The following LEMD3 variants were observed in gnomAD, a reference collection of about 807,000 sequenced individuals.
LEMD3 encodes inner nuclear membrane protein Man1.
LEMD3 carries 33 observed loss-of-function variants against 95.2 expected under a neutral mutation model. The observed-to-expected ratio is 0.35, with a 90% CI of 0.26 to 0.46. LEMD3 has a LOEUF of 0.46. Ranked by LOEUF, LEMD3 falls within the 20% of genes least tolerant of loss-of-function variation. LEMD3 has a pLI of 1.00. For missense variants in LEMD3, 1,210 were observed against 1,192.8 expected, an observed-to-expected ratio of 1.01 and a Z score of -0.21; for synonymous variants, 525 against 474.6, an observed-to-expected ratio of 1.11 and a Z score of -1.38.
intron 4 of LEMD3, among the ~76,000 whole-genome samples, chr12:65,223,358 C>T (rs1016359343): frequency 7.1e-6 from 1 of 140,928 alleles, no homozygotes; most frequent in South Asian, 2.2e-4. Flanking sequence ...CGCTTGAGTG[C>T]AGTGGTGAGA....
chr12:65,214,480 C>G (rs1186159071), intron 2 of LEMD3, among the ~76,000 whole-genome samples: 1 of 152,082 alleles, frequency 6.6e-6, no homozygotes, highest in Non-Finnish European at 1.5e-5. Flanking sequence ...TGACATAAAA[C>G]CAGGTATTCT....
chr12:65,217,005 A>G (rs911572069), intron 3 of LEMD3, among the ~76,000 whole-genome samples: 5 of 152,244 alleles, frequency 3.3e-5, no homozygotes, highest in African/African-American at 4.8e-5. Context: ...AGTATATGCT[A>G]GTTATGCTAG....
At position 65,170,140 on chromosome 12, in the gene LEMD3, G is replaced by A; in HGVS notation, c.544G>A (p.Val182Met). 1.4e-6 allele frequency: 2 copies of A among 1,471,138 alleles called. No homozygotes were observed. Among genetic ancestry groups the A allele is most frequent in the South Asian group, 2.8e-5 (2 of 70,188 alleles). 91.1% of individuals were successfully genotyped at this position (1,471,138 alleles called of 1,614,324 possible). A position where few individuals can be genotyped will look rare whatever the true frequency, so the allele number is the denominator to read the frequency against. The change falls in exon 1 of 13, where the codon GTG becomes ATG. Residue 182 changes from valine to methionine, a missense_variant. This residue lies in a region of LEMD3 where 749 missense variants were observed against 622.9 expected (regional missense o/e 1.20). Coordinates refer to ENST00000308330, the MANE Select transcript of LEMD3 (RefSeq NM_014319.5). ...APPAPLAASE[V>M]TNSNSAERRK... Reference sequence around the variant, plus strand: ...GCCGGCGCCCCTGGCCGCCAGCGAGGTGACTAACAGCAACTCTGCAGAGCG... The same window carrying A: ...GCCGGCGCCCCTGGCCGCCAGCGAGATGACTAACAGCAACTCTGCAGAGCG...
At chr12:65,225,018 T>C (rs1308461250) in intron 4 of LEMD3, among the ~76,000 whole-genome samples, 2 of 152,202 alleles carry the variant, frequency 1.3e-5, no homozygotes, top group Non-Finnish European at 2.9e-5. Context: ...TGATCCAGTC[T>C]GCTTTTGAAC....
At chr12:65,183,128 A>G (rs1242321534) in intron 1 of LEMD3, among the ~76,000 whole-genome samples, 1 of 152,218 alleles carries the variant, frequency 6.6e-6, no homozygotes, top group Non-Finnish European at 1.5e-5. Flanking sequence ...TAGAAATATA[A>G]GCCACACAGT....
At chr12:65,187,480 A>G (rs975277530) in intron 1 of LEMD3, among the ~76,000 whole-genome samples, 7 of 152,068 alleles carry the variant, frequency 4.6e-5, no homozygotes, top group African/African-American at 1.7e-4. Context: ...ACCAGATTTG[A>G]GTGCAGATAA....
intron 1 of LEMD3, among the ~76,000 whole-genome samples, chr12:65,193,689 A>C (rs949588439): frequency 6.0e-5 from 9 of 150,756 alleles, no homozygotes; most frequent in Non-Finnish European, 1.2e-4. Context: ...GAGACAGTTA[A>C]CAACTGCCTG....
Position 65,170,739 on chromosome 12 carries a change from G to A in LEMD3, c.1143G>A (p.Ser381=), listed in dbSNP as rs1868516637. Residue 381 remains serine (S), a synonymous_variant, in exon 1 of 13, where the codon TCG becomes TCA. Transcript: ENST00000308330. The stretch of plus-strand genomic sequence containing the variant: ...CTGACATGGACTCAACCTTGGATTC[G>A]TCAACAGGCTCCCTTCTGAAAACCA... ...PLTDMDSTLD[S]STGSLLKTNN... 8 of 1,614,094 alleles carry A rather than the reference G, an allele frequency of 5.0e-6. No individual in the cohort carries two copies. Among genetic ancestry groups the A allele is most frequent in the Admixed American group, 1.7e-5 (1 of 60,004 alleles).
At chr12:65,189,156 GTCTC>G (rs1869160366) in intron 1 of LEMD3, among the ~76,000 whole-genome samples, 1 of 152,104 alleles carries the variant, frequency 6.6e-6, no homozygotes, top group African/African-American at 2.4e-5. Context: ...TGCGAATATG[GTCTC>G]TCTCAAAATA....
Position 65,170,222 on chromosome 12 carries a change from C to T in LEMD3, c.626C>T (p.Thr209Ile). The change falls in exon 1 of 13, where the codon ACC becomes ATC. Residue 209 changes from threonine (T) to isoleucine (I), a missense_variant. Physicochemically the swap from Thr to Ile is moderately conservative, Grantham distance 89. Around this residue, in one of 2 missense-constraint regions of LEMD3, gnomAD observed 749 missense variants for 622.9 expected, o/e 1.20. Transcript: ENST00000308330. Reference sequence around the variant, plus strand: ...AGGCCGGCGGGCCCCGAGCTGCAGACCCCGCCGGGGAAAGATGGAGCAGTG... The same window carrying T: ...AGGCCGGCGGGCCCCGAGCTGCAGATCCCGCCGGGGAAAGATGGAGCAGTG... ...ARRPAGPELQ[T>I]PPGKDGAVED... 6.6e-7 allele frequency: 1 copy of T among 1,510,532 alleles called. No homozygotes were observed. Among genetic ancestry groups the T allele is most frequent in the Non-Finnish European group, 8.9e-7 (1 of 1,127,542 alleles). 93.6% of individuals were successfully genotyped at this position (1,510,532 alleles called of 1,614,324 possible). A position where few individuals can be genotyped will look rare whatever the true frequency, so the allele number is the denominator to read the frequency against.
chr12:65,215,895 G>GTT (rs67170565), intron 2 of LEMD3, 82 bp from the exon 3 acceptor site: 43,837 of 441,712 alleles, frequency 0.099, 584 homozygotes, highest in East Asian at 0.17. Context: ...TAAATTTACT[G>GTT]TTTTTTTTTT....
intron 2 of LEMD3, among the ~76,000 whole-genome samples, chr12:65,213,077 C>T (rs1392037126): frequency 1.4e-5 from 2 of 146,828 alleles, no homozygotes; most frequent in East Asian, 3.8e-4. Flanking sequence ...AGTGACAGAG[C>T]AAGACTGTAA....
rs1430647454 is a variant in LEMD3 at position 65,169,980 on chromosome 12, C to T, written c.384C>T (p.Ala128=). 3 of 1,468,636 alleles carry T rather than the reference C, an allele frequency of 2.0e-6. No individual in the cohort carries two copies. The highest frequency in any genetic ancestry group is 2.8e-5 in the Admixed American group (1 of 35,566). 91.0% of individuals were successfully genotyped at this position (1,468,636 alleles called of 1,614,324 possible). The change falls in exon 1 of 13, where the codon GCC becomes GCT. Residue 128 remains alanine, a synonymous_variant. Transcript: ENST00000308330. ...GAGGGCCCGGGGGCGCCTCCGCCGC[C>T]CCCGCGGCTGGCAGCAAAGTGCTGC... ...LLGGPGGASA[A]PAAGSKVLLG... is the part of the protein sequence containing the mutation.
intron 4 of LEMD3, among the ~76,000 whole-genome samples, chr12:65,227,793 A>C (rs563627010): frequency 2.0e-5 from 3 of 150,014 alleles, no homozygotes; most frequent in Non-Finnish European, 4.4e-5. Flanking sequence ...GTGTGGCCCA[A>C]GACAGTTCTT....
chr12:65,225,967 C>T (rs921819003), intron 4 of LEMD3, among the ~76,000 whole-genome samples: 12 of 152,158 alleles, frequency 7.9e-5, no homozygotes, highest in South Asian at 2.1e-4. Flanking sequence ...CAGAAGCCAG[C>T]GAGGCAACAC....
chr12:65,206,422 G>C (rs1446977278), intron 1 of LEMD3, among the ~76,000 whole-genome samples: 1 of 151,926 alleles, frequency 6.6e-6, no homozygotes, highest in Non-Finnish European at 1.5e-5. Context: ...TTGAGGACAG[G>C]GCTTATATAT....
Position 65,169,989 on chromosome 12 carries a change from T to G in LEMD3, c.393T>G (p.Ala131=). The change falls in exon 1 of 13, where the codon GCT becomes GCG. Residue 131 remains alanine (A), a synonymous_variant. Transcript: ENST00000308330. ...GPGGASAAPA[A]GSKVLLGFSS... ...GGGGCGCCTCCGCCGCCCCCGCGGC[T>G]GGCAGCAAAGTGCTGCTGGGCTTCA... 6.8e-7 allele frequency: 1 copy of G among 1,475,444 alleles called. No individual in the cohort carries two copies. Among genetic ancestry groups the G allele is most frequent in the Non-Finnish European group, 8.9e-7 (1 of 1,124,862 alleles). 91.4% of individuals were successfully genotyped at this position (1,475,444 alleles called of 1,614,324 possible). A position where few individuals can be genotyped will look rare whatever the true frequency, so the allele number is the denominator to read the frequency against.
At chr12:65,196,603 T>TATATA (rs1158740381) in intron 1 of LEMD3, among the ~76,000 whole-genome samples, 16 of 152,166 alleles carry the variant, frequency 1.1e-4, no homozygotes, top group African/African-American at 3.6e-4. Context: ...TAACTTACCT[T>TATATA]ATATAAGACT....
intron 1 of LEMD3, among the ~76,000 whole-genome samples, chr12:65,206,350 A>C: frequency 6.6e-6 from 1 of 152,162 alleles, no homozygotes; most frequent in Middle Eastern, 3.2e-3. Context: ...AGTTTTAGAT[A>C]CAAGAGACTG....
Sources: gnomAD v4.1 joint callset for allele counts (sites outside exome capture counted in the v4.1 genomes callset) on GRCh38, gnomAD v4.1.1 for gene constraint, gnomAD v4.1.1 regional missense constraint, MANE v1.5 for transcripts, NCBI Gene and HGNC (gene_info 2026-07-23, HGNC 2026-07-21) for gene names.